The following TDRD3 variants were observed in gnomAD, a reference collection of about 807,000 sequenced individuals.
TDRD3 encodes tudor domain containing 3, also known as tudor domain-containing protein 3.
TDRD3 carries 45 observed loss-of-function variants against 86.7 expected under a neutral mutation model. The ratio of observed to expected loss-of-function variants is 0.52; its 90% CI spans 0.41 to 0.67. The LOEUF is 0.67. TDRD3 is among the 30% of genes least tolerant of loss of function. The pLI, the probability that TDRD3 is intolerant of heterozygous loss-of-function variation, is 0.00. For missense variants in TDRD3, 814 were observed against 889.0 expected (o/e 0.92, Z 1.07); for synonymous variants, 298 against 301.7 (o/e 0.99, Z 0.13).
rs1958639244 is a variant in TDRD3, at chr13:60,573,663, C to G, written c.*57C>G. 1 of 984,878 alleles carries G rather than the reference C, an allele frequency of 1.0e-6. No individual in the cohort carries two copies. The allele number at this position is 984,878 out of a possible 1,614,324, so 61.0% of individuals were successfully genotyped here. ...AGTGACTGAAACACCCTGGTGGAAA[C>G]CTGTTGACAGACCTTCCACTTTCTC... On this transcript the variant is annotated 3_prime_UTR_variant, in exon 14 of 14. Transcript: ENST00000377881.
At chr13:60,473,948 G>A (rs1956127569) in intron 5 of TDRD3, among the ~76,000 whole-genome samples, 1 of 152,144 alleles carries the variant, frequency 6.6e-6, no homozygotes, top group Admixed American at 6.5e-5. Context: ...GGGAGTTAGA[G>A]AAGACTCTGC....
intron 1 of TDRD3, among the ~76,000 whole-genome samples, chr13:60,425,761 T>C (rs762487473): frequency 1.3e-5 from 2 of 152,132 alleles, no homozygotes; most frequent in Non-Finnish European, 2.9e-5. Context: ...ACCCCTCCTC[T>C]TCTTCCTCCT....
chr13:60,486,165 G>A (rs1438916432), intron 7 of TDRD3, among the ~76,000 whole-genome samples: 1 of 152,044 alleles, frequency 6.6e-6, no homozygotes, highest in Non-Finnish European at 1.5e-5. Context: ...GGTAGTTCCA[G>A]TAAGTTACTC....
intron 1 of TDRD3, among the ~76,000 whole-genome samples, chr13:60,431,703 C>CAAAAA: frequency 1.6e-5 from 1 of 63,000 alleles, no homozygotes; most frequent in Non-Finnish European, 3.1e-5. Context: ...CTATCTTTAC[C>CAAAAA]AAAAAAAAAA....
intron 12 of TDRD3, among the ~76,000 whole-genome samples, chr13:60,562,903 T>C (rs1383040364): frequency 1.3e-5 from 2 of 152,060 alleles, no homozygotes; most frequent in East Asian, 3.9e-4. Context: ...CACAAAGTTA[T>C]GACTTGGGAA....
At chr13:60,546,144 T>G (rs1248844161) in intron 12 of TDRD3, among the ~76,000 whole-genome samples, 1 of 152,168 alleles carries the variant, frequency 6.6e-6, no homozygotes, top group Admixed American at 6.5e-5. Context: ...ATGCCCTGAT[T>G]ATTGTAAATG....
At chr13:60,490,284 G>C (rs926265574) in intron 7 of TDRD3, among the ~76,000 whole-genome samples, 1 of 152,106 alleles carries the variant, frequency 6.6e-6, no homozygotes, top group Non-Finnish European at 1.5e-5. Context: ...CCTCAAGATA[G>C]TGAGAGCTGA....
intron 10 of TDRD3, among the ~76,000 whole-genome samples, chr13:60,522,862 ATGT>A (rs1278690097): frequency 1.3e-5 from 2 of 152,194 alleles, no homozygotes; most frequent in East Asian, 3.9e-4. Flanking sequence ...TGAAGGTAAC[ATGT>A]TGTTGGTTAC....
intron 10 of TDRD3, among the ~76,000 whole-genome samples, chr13:60,514,976 A>G (rs1957137354): frequency 6.6e-6 from 1 of 152,178 alleles, no homozygotes; most frequent in Non-Finnish European, 1.5e-5. Flanking sequence ...CATTCAGAAA[A>G]CACAGGGAAG....
intron 13 of TDRD3, among the ~76,000 whole-genome samples, chr13:60,573,060 G>C (rs1958624568): frequency 6.6e-6 from 1 of 152,154 alleles, no homozygotes; most frequent in Non-Finnish European, 1.5e-5. Flanking sequence ...GGCTAAAATA[G>C]GCCTGGAGCA....
chr13:60,444,898 C>A, intron 3 of TDRD3, 150 bp downstream of exon 3: 1 of 405,820 alleles, frequency 2.5e-6, no homozygotes, highest in Non-Finnish European at 4.4e-6. Context: ...TGGTGACTTC[C>A]ATGGAAAATT....
chr13:60,463,699 A>T (rs1566211888), intron 4 of TDRD3, among the ~76,000 whole-genome samples: 1 of 152,214 alleles, frequency 6.6e-6, no homozygotes, highest in Non-Finnish European at 1.5e-5. Flanking sequence ...AAAAATTGAT[A>T]AAAGACCTGA....
Position 60,485,921 on chromosome 13 carries a change from T to A in TDRD3, c.690T>A (p.Ala230=). The change falls in exon 7 of 14, where the codon GCT becomes GCA. Residue 230 remains alanine (A), a synonymous_variant. Coordinates refer to ENST00000377881, the MANE Select transcript of TDRD3 (RefSeq NM_001146070.2). ...NDEFEKQRTA[A]IAEVAKSKET... ...AATTTGAAAAGCAAAGGACGGCTGC[T>A]ATTGCTGAAGTTGCAAAGAGCAAGG... The A allele has an allele frequency of 6.2e-7, 1 of 1,609,420 alleles. No homozygotes were observed. The highest frequency in any genetic ancestry group is 8.5e-7 in the Non-Finnish European group (1 of 1,178,292).
intron 1 of TDRD3, among the ~76,000 whole-genome samples, chr13:60,439,059 A>T (rs1386656490): frequency 6.6e-6 from 1 of 152,142 alleles, no homozygotes; most frequent in African/African-American, 2.4e-5. Flanking sequence ...TGACAGATGC[A>T]TGGCTGATTT....
intron 12 of TDRD3, among the ~76,000 whole-genome samples, chr13:60,552,918 G>A (rs1958099652): frequency 6.6e-6 from 1 of 152,240 alleles, no homozygotes; most frequent in African/African-American, 2.4e-5. Context: ...TTCTGGGGCT[G>A]CACAGAGCAG....
intron 1 of TDRD3, among the ~76,000 whole-genome samples, chr13:60,412,135 A>G (rs1253257926): frequency 1.3e-5 from 2 of 152,218 alleles, no homozygotes; most frequent in Non-Finnish European, 2.9e-5. Context: ...ACCTTGTGGT[A>G]GTGTGAGATT....
At chr13:60,551,368 T>G (rs553241933) in intron 12 of TDRD3, among the ~76,000 whole-genome samples, 1 of 152,354 alleles carries the variant, frequency 6.6e-6, no homozygotes, top group South Asian at 2.1e-4. Flanking sequence ...ATGTTTGAAA[T>G]GCTTGGCACA....
chr13:60,528,013 A>G (rs1296053051), intron 10 of TDRD3, among the ~76,000 whole-genome samples: 1 of 152,220 alleles, frequency 6.6e-6, no homozygotes, highest in Non-Finnish European at 1.5e-5. Context: ...GTGCAGTTTC[A>G]TAGCAGTTTC....
At chr13:60,436,493 C>A (rs1392595017) in intron 1 of TDRD3, among the ~76,000 whole-genome samples, 1 of 152,102 alleles carries the variant, frequency 6.6e-6, no homozygotes, top group African/African-American at 2.4e-5. Context: ...CTACATGTGG[C>A]TTGCCAGTTT....
Sources: allele counts gnomAD v4.1 joint callset (sites outside exome capture counted in the v4.1 genomes callset), GRCh38; gene constraint gnomAD v4.1.1; transcripts MANE v1.5; gene names NCBI Gene and HGNC (gene_info 2026-07-23, HGNC 2026-07-21).